Variants in SPATA16 observed in about 807,000 individuals in gnomAD.
The protein encoded by SPATA16 is spermatogenesis associated 16.
A neutral mutation model predicts 63.3 loss-of-function variants in SPATA16; 36 were observed. That is an observed-to-expected ratio of 0.57 (90% CI 0.44 to 0.75). SPATA16 has a LOEUF of 0.75. SPATA16 is among the 30% of genes least tolerant of loss of function. The pLI is 0.00. For missense variants in SPATA16, 646 were observed against 679.3 expected (o/e 0.95, Z 0.54); for synonymous variants, 203 against 216.7 (o/e 0.94, Z 0.56).
intron 4 of SPATA16, among the ~76,000 whole-genome samples, chr3:172,991,340 A>G (rs1340273655): frequency 1.3e-5 from 2 of 152,080 alleles, no homozygotes; most frequent in African/African-American, 2.4e-5. Context: ...AAGGGCAGAA[A>G]TCTCATTTTC....
At chr3:173,021,642 G>A (rs986521144) in intron 3 of SPATA16, among the ~76,000 whole-genome samples, 1 of 152,004 alleles carries the variant, frequency 6.6e-6, no homozygotes, top group Non-Finnish European at 1.5e-5. Flanking sequence ...GAGTAGCTGA[G>A]GGCAGAGCTT....
chr3:172,961,991 G>A (rs544144993), intron 5 of SPATA16, among the ~76,000 whole-genome samples: 11 of 152,102 alleles, frequency 7.2e-5, no homozygotes, highest in African/African-American at 2.2e-4. Context: ...CGATCCTCAC[G>A]CCTGTAATCC....
rs887166256 is a variant in SPATA16 at position 173,033,178 on chromosome 3, T to G, written c.759-13603A>C. ...ACAATTCCCAAGAAAAAATATATAT[T>G]TTTTTATAATTTGAAAATCTGAAAA... On this transcript the variant is annotated intron_variant, in intron 3 of 10. Transcript: ENST00000351008. Among the ~76,000 whole-genome samples the G allele has an allele frequency of 8.5e-5, 13 of 152,268 alleles. No individual in the cohort carries two copies. In the East Asian group the frequency reaches 2.5e-3, roughly 29 times the overall value.
intron 2 of SPATA16, among the ~76,000 whole-genome samples, chr3:173,078,311 T>C (rs1412987201): frequency 2.6e-5 from 4 of 152,110 alleles, no homozygotes; most frequent in African/African-American, 9.7e-5. Context: ...ATACTGTTAG[T>C]GCAATACTGG....
intron 6 of SPATA16, among the ~76,000 whole-genome samples, chr3:172,944,205 TAAAC>T (rs754220480): frequency 6.6e-6 from 1 of 152,156 alleles, no homozygotes; most frequent in Non-Finnish European, 1.5e-5. Context: ...GGAAAGGACT[TAAAC>T]AGACATTTCT....
intron 10 of SPATA16, among the ~76,000 whole-genome samples, chr3:172,893,971 G>GT (rs565665434): frequency 1.3e-5 from 2 of 152,020 alleles, no homozygotes; most frequent in Non-Finnish European, 2.9e-5. Context: ...AGCTTTAAAA[G>GT]TTTTTTTAAA....
At chr3:173,098,645 T>G (rs2108323918) in intron 2 of SPATA16, among the ~76,000 whole-genome samples, 1 of 152,076 alleles carries the variant, frequency 6.6e-6, no homozygotes, top group South Asian at 2.1e-4. Context: ...CATTGATAAG[T>G]GTTAAAAAAT....
chr3:172,901,799 T>C (rs115318458), intron 10 of SPATA16, among the ~76,000 whole-genome samples: 4,143 of 152,082 alleles, frequency 0.027, 77 homozygotes, highest in Non-Finnish European at 0.04. Flanking sequence ...GCTTGGAGGG[T>C]AGGAATATCT....
intron 4 of SPATA16, among the ~76,000 whole-genome samples, chr3:173,013,882 G>A (rs1735124357): frequency 6.6e-6 from 1 of 152,174 alleles, no homozygotes; most frequent in South Asian, 2.1e-4. Flanking sequence ...GGGAGTGCTG[G>A]GAGAGTCTCC....
At chr3:173,068,472 A>T (rs1345763649) in intron 2 of SPATA16, among the ~76,000 whole-genome samples, 1 of 152,206 alleles carries the variant, frequency 6.6e-6, no homozygotes, top group East Asian at 1.9e-4. Flanking sequence ...TCATAATAGT[A>T]ACCACAAAAC....
chr3:173,056,705 CAA>C (rs71162325), intron 2 of SPATA16, among the ~76,000 whole-genome samples: 13,116 of 72,994 alleles, frequency 0.18, 494 homozygotes, highest in South Asian at 0.3. Flanking sequence ...ACTCTTGTTT[CAA>C]AAAAAAAAAA....
intron 2 of SPATA16, among the ~76,000 whole-genome samples, chr3:173,105,170 T>C (rs1275515386): frequency 6.6e-6 from 1 of 152,228 alleles, no homozygotes; most frequent in African/African-American, 2.4e-5. Flanking sequence ...TGCCAATACA[T>C]AAAATTTTGC....
chr3:173,105,763 TCCTC>T (rs1023082608), intron 2 of SPATA16, among the ~76,000 whole-genome samples: 3 of 151,406 alleles, frequency 2.0e-5, no homozygotes, highest in Non-Finnish European at 1.5e-5. Flanking sequence ...CTCCCTCTTT[TCCTC>T]CCTCCCTCCC....
chr3:173,126,882 CAT>C (rs1738242194), intron 1 of SPATA16, among the ~76,000 whole-genome samples: 1 of 152,120 alleles, frequency 6.6e-6, no homozygotes, highest in Non-Finnish European at 1.5e-5. Context: ...AATGAAGAAA[CAT>C]ATGTTGGACA....
chr3:172,907,295 C>A (rs1221884805), intron 10 of SPATA16, among the ~76,000 whole-genome samples: 1 of 152,114 alleles, frequency 6.6e-6, no homozygotes, highest in Non-Finnish European at 1.5e-5. Flanking sequence ...TCAGCCTTTG[C>A]CCTTCTGAAT....
At chr3:173,120,851 AG>A (rs1319026947) in intron 1 of SPATA16, among the ~76,000 whole-genome samples, 1 of 152,290 alleles carries the variant, frequency 6.6e-6, no homozygotes, top group African/African-American at 2.4e-5. Flanking sequence ...TTTAAGAAAT[AG>A]GATTCTGAGT....
At chr3:173,087,975 C>T (rs922914554) in intron 2 of SPATA16, among the ~76,000 whole-genome samples, 6 of 151,026 alleles carry the variant, frequency 4.0e-5, no homozygotes, top group Admixed American at 1.3e-4. Flanking sequence ...CCAATTTGAC[C>T]TTGGAGAATC....
At position 172,983,530 on chromosome 3, in the gene SPATA16, C is replaced by A. The variant is rs147158153; in HGVS notation, c.849-6478G>T. On this transcript the variant is annotated intron_variant, in intron 4 of 10. Coordinates refer to ENST00000351008, the MANE Select transcript of SPATA16 (RefSeq NM_031955.6). ...GTGTATGAGATCTAACTACAGAATT[C>A]TTTTGTATTATTGATATGTTTAGGA... 2.8e-3 allele frequency among the ~76,000 whole-genome samples: 432 copies of A among 152,130 alleles called. 2 individuals carry two copies. Among genetic ancestry groups the A allele is most frequent in the African/African-American group, 0.01 (422 of 41,508 alleles).
At chr3:173,089,130 A>G (rs1737158503) in intron 2 of SPATA16, among the ~76,000 whole-genome samples, 1 of 152,192 alleles carries the variant, frequency 6.6e-6, no homozygotes, top group African/African-American at 2.4e-5. Context: ...ATGCCTAAAT[A>G]AGAGATAGGT....
Sources: allele counts gnomAD v4.1 joint callset (sites outside exome capture counted in the v4.1 genomes callset), GRCh38; gene constraint gnomAD v4.1.1; transcripts MANE v1.5; gene names NCBI Gene and HGNC (gene_info 2026-07-23, HGNC 2026-07-21).